Variants in HEPHL1 observed in about 807,000 individuals in gnomAD.
HEPHL1 encodes hephaestin like 1.
Under a neutral mutation model 122.0 loss-of-function variants are expected in HEPHL1, and 123 were observed. The ratio of observed to expected loss-of-function variants is 1.01; its 90% CI spans 0.87 to 1.17. HEPHL1 has a LOEUF of 1.17. Among genes scored for constraint, HEPHL1 ranks in the 50% most tolerant of loss-of-function variants. The pLI, the probability that HEPHL1 is intolerant of heterozygous loss-of-function variation, is 0.00. For missense variants in HEPHL1, 1,452 were observed against 1,430.5 expected (o/e 1.01, Z -0.24); for synonymous variants, 527 against 508.9 (o/e 1.04, Z -0.48).
At chr11:94,043,382 C>T (rs894266373) in intron 1 of HEPHL1, among the ~76,000 whole-genome samples, 3 of 152,124 alleles carry the variant, frequency 2.0e-5, no homozygotes, top group South Asian at 2.1e-4. Flanking sequence ...ATTTAACCAA[C>T]GAGACACTCT....
chr11:94,086,616 T>G (rs781636989), intron 11 of HEPHL1, among the ~76,000 whole-genome samples: 1 of 152,182 alleles, frequency 6.6e-6, no homozygotes, highest in Non-Finnish European at 1.5e-5. Flanking sequence ...TGCAGCCTGG[T>G]CTCTCTTCTG....
rs1470773225 is a variant in HEPHL1, at chr11:94,113,733, TAA to T, written c.*1841_*1842del. The T allele has an allele frequency of 1.3e-5, 2 of 152,212 alleles. No homozygotes were observed. The highest frequency in any genetic ancestry group is 2.9e-5 in the Non-Finnish European group (2 of 68,032). 9.4% of individuals were successfully genotyped at this position (152,212 alleles called of 1,614,324 possible). A position where few individuals can be genotyped will look rare whatever the true frequency, so the allele number is the denominator to read the frequency against. ...TTGATTGCATCATTTATCATTTTAA[TAA>T]AGTGTCACATAAGGTGGCTATTTGC... On this transcript the variant is annotated 3_prime_UTR_variant, in exon 20 of 20. Transcript: ENST00000315765.
chr11:94,111,610 T>C lies in HEPHL1; in HGVS notation c.3277+5T>C, dbSNP rs767989299. ...CAGCCACGGTGCCATCTAACGGTAA[T>C]GATACCCTCTCCCCATGTAAATGAG... On this transcript the variant is annotated splice_donor_5th_base_variant and intron_variant, in intron 19 of 19. Transcript: ENST00000315765. 1 of 1,607,016 alleles carries C rather than the reference T, an allele frequency of 6.2e-7. No homozygotes were observed. Among genetic ancestry groups the C allele is most frequent in the Admixed American group, 1.7e-5 (1 of 58,976 alleles).
At chr11:94,103,529 T>A (rs1478510001) in intron 15 of HEPHL1, among the ~76,000 whole-genome samples, 1 of 152,174 alleles carries the variant, frequency 6.6e-6, no homozygotes, top group Non-Finnish European at 1.5e-5. Context: ...GAGAAGAAAG[T>A]TCACTCTAAA....
chr11:94,068,364 C>G (rs1253218782), intron 5 of HEPHL1, among the ~76,000 whole-genome samples: 2 of 152,192 alleles, frequency 1.3e-5, no homozygotes, highest in Non-Finnish European at 1.5e-5. Context: ...CTCATCTCAT[C>G]TCTGGACTGC....
intron 2 of HEPHL1, chr11:94,055,635 G>A (rs966465209): frequency 7.7e-6 from 3 of 391,556 alleles, no homozygotes; most frequent in Non-Finnish European, 1.5e-5. Flanking sequence ...GCTCATCATA[G>A]TCCTTTCCAA....
chr11:94,048,833 A>G (rs1945862976), intron 2 of HEPHL1, among the ~76,000 whole-genome samples: 1 of 152,140 alleles, frequency 6.6e-6, no homozygotes, highest in Admixed American at 6.6e-5. Context: ...CATAACACTT[A>G]ATACTGGCTG....
At chr11:94,038,261 G>T (rs1031271275) in intron 1 of HEPHL1, among the ~76,000 whole-genome samples, 2 of 150,018 alleles carry the variant, frequency 1.3e-5, no homozygotes, top group African/African-American at 4.9e-5. Context: ...ACCTGAAAGT[G>T]ATGGGGAGAA....
rs1008906660 is a variant in HEPHL1, at chr11:94,093,419, A to G, written c.2295-82A>G. 2.5e-5 allele frequency: 38 copies of G among 1,518,124 alleles called. No homozygotes were observed. In the Admixed American group the frequency reaches 7.0e-4, roughly 28 times the overall value. The allele number at this position is 1,518,124 out of a possible 1,614,324, so 94.0% of individuals were successfully genotyped here. ...AGCCAGGTTTGGGGAGCACTTCTCC[A>G]GAATACCCCTGAATCACTTAGAAGC... On this transcript the variant is annotated intron_variant, in intron 12 of 19. Transcript: ENST00000315765.
At position 94,063,614 on chromosome 11, in the gene HEPHL1, T is replaced by C. The variant is rs1946005828; in HGVS notation, c.522T>C (p.Pro174=). The C allele has an allele frequency of 9.9e-6, 16 of 1,613,740 alleles. No individual in the cohort carries two copies. The highest frequency in any genetic ancestry group is 1.4e-5 in the Non-Finnish European group (16 of 1,179,816). The change falls in exon 3 of 20, where the codon CCT becomes CCC. Residue 174 remains proline, a synonymous_variant. Coordinates refer to ENST00000315765, the MANE Select transcript of HEPHL1 (RefSeq NM_001098672.2). The part of the protein sequence containing the change: ...YVWPVREEYA[P]TPADANCLTW... ...GGCCGGTGAGAGAAGAATATGCACC[T>C]ACTCCAGCCGATGCCAACTGCCTGA...
Position 94,072,917 on chromosome 11 carries a change from G to C in HEPHL1, c.1233-108G>C, listed in dbSNP as rs1565354873. The C allele has an allele frequency of 1.8e-5, 18 of 1,003,876 alleles. No individual in the cohort carries two copies. The South Asian group carries it at 2.8e-4, about 15-fold the overall frequency. 62.2% of individuals were successfully genotyped at this position (1,003,876 alleles called of 1,614,324 possible). On this transcript the variant is annotated intron_variant, in intron 6 of 19. Coordinates refer to ENST00000315765, the MANE Select transcript of HEPHL1 (RefSeq NM_001098672.2). ...CAAGGCCTGTGCTGTCTTTTCTGGGGACATGGGTGGGCGAGTGGACTAAAA... is the reference window on the plus strand; with the variant it reads ...CAAGGCCTGTGCTGTCTTTTCTGGGCACATGGGTGGGCGAGTGGACTAAAA...
chr11:94,044,479 A>T (rs779379431), intron 1 of HEPHL1, among the ~76,000 whole-genome samples: 5 of 152,172 alleles, frequency 3.3e-5, no homozygotes, highest in Non-Finnish European at 7.3e-5. Context: ...AGTGAGTCTC[A>T]GTGCTTCCAA....
intron 16 of HEPHL1, among the ~76,000 whole-genome samples, chr11:94,105,328 C>A (rs1040624072): frequency 1.3e-5 from 2 of 152,252 alleles, no homozygotes; most frequent in South Asian, 2.1e-4. Context: ...AGCCTGATTC[C>A]CCATTCAGCT....
At chr11:94,022,873 T>C (rs971518503) in intron 1 of HEPHL1, among the ~76,000 whole-genome samples, 13 of 152,328 alleles carry the variant, frequency 8.5e-5, no homozygotes, top group African/African-American at 2.9e-4. Flanking sequence ...TGTGAGCAGC[T>C]ACTGGGGATA....
At chr11:94,053,587 C>A (rs1945909913) in intron 2 of HEPHL1, among the ~76,000 whole-genome samples, 1 of 151,868 alleles carries the variant, frequency 6.6e-6, no homozygotes, top group Non-Finnish European at 1.5e-5. Flanking sequence ...AGATAGATGA[C>A]TTAAAATCTA....
At chr11:94,046,023 T>A in intron 2 of HEPHL1, 106 bp downstream of exon 2, 1 of 957,108 alleles carries the variant, frequency 1.0e-6, no homozygotes. Context: ...TGGATATATT[T>A]ATCTTCTCTC....
intron 2 of HEPHL1, among the ~76,000 whole-genome samples, chr11:94,059,902 A>G (rs1945970503): frequency 1.3e-5 from 2 of 151,894 alleles, no homozygotes; most frequent in African/African-American, 4.8e-5. Context: ...TTTGTATCAT[A>G]TAATCAATTC....
chr11:94,073,644 A>G (rs1946097205), intron 8 of HEPHL1, among the ~76,000 whole-genome samples: 1 of 152,136 alleles, frequency 6.6e-6, no homozygotes, highest in African/African-American at 2.4e-5. Flanking sequence ...GATGGAGAGA[A>G]TTTAGGACAA....
intron 1 of HEPHL1, among the ~76,000 whole-genome samples, chr11:94,027,173 T>C (rs1422083929): frequency 2.0e-5 from 3 of 152,198 alleles, no homozygotes. Flanking sequence ...CTTCTCTCTG[T>C]GTGTCTAGCC....
Sources: gnomAD v4.1 joint callset for allele counts (sites outside exome capture counted in the v4.1 genomes callset) on GRCh38, gnomAD v4.1.1 for gene constraint, MANE v1.5 for transcripts, NCBI Gene and HGNC (gene_info 2026-07-23, HGNC 2026-07-21) for gene names.